Variants in MCU observed in about 807,000 individuals in gnomAD.
The protein encoded by MCU is calcium uniporter protein, mitochondrial.
A neutral mutation model predicts 45.2 loss-of-function variants in MCU; 12 were observed. The observed-to-expected ratio is 0.27, with a 90% CI of 0.17 to 0.43. MCU has a LOEUF of 0.43. MCU is among the 20% of genes least tolerant of loss of function. The probability of loss-of-function intolerance (pLI) is 1.00; values close to 1 mark genes in which losing one functional copy is unlikely to be tolerated. For synonymous variants in MCU, 160 were observed against 165.1 expected, an observed-to-expected ratio of 0.97 and a Z score of 0.24; for missense variants, 324 against 436.7, an observed-to-expected ratio of 0.74 and a Z score of 2.30.
intron 1 of MCU, among the ~76,000 whole-genome samples, chr10:72,772,432 C>T (rs932675564): frequency 2.6e-5 from 4 of 152,240 alleles, no homozygotes; most frequent in African/African-American, 9.6e-5. Flanking sequence ...TGCAGTGGCT[C>T]ACGCCTGCAA....
At chr10:72,765,086 T>TTA (rs1012811009) in intron 1 of MCU, among the ~76,000 whole-genome samples, 4 of 123,512 alleles carry the variant, frequency 3.2e-5, no homozygotes, top group African/African-American at 1.2e-4. Context: ...CCCCATCTCT[T>TTA]AAAAAAAAAA....
intron 1 of MCU, among the ~76,000 whole-genome samples, chr10:72,740,602 C>A (rs1404268209): frequency 6.6e-6 from 1 of 152,226 alleles, no homozygotes; most frequent in Non-Finnish European, 1.5e-5. Flanking sequence ...ATATTTCTTT[C>A]TGACTTCTCA....
At chr10:72,697,948 A>T (rs1394255804) in intron 1 of MCU, among the ~76,000 whole-genome samples, 2 of 145,628 alleles carry the variant, frequency 1.4e-5, no homozygotes, top group African/African-American at 5.1e-5. Flanking sequence ...CATAAAAAGA[A>T]TTTTTTTTTT....
chr10:72,789,561 G>A (rs938278719), intron 1 of MCU, among the ~76,000 whole-genome samples: 4 of 151,962 alleles, frequency 2.6e-5, no homozygotes, highest in African/African-American at 9.7e-5. Context: ...TCTTTTATGA[G>A]AAACTGCTCC....
chr10:72,699,445 T>C (rs1192766173), intron 1 of MCU, among the ~76,000 whole-genome samples: 3 of 151,838 alleles, frequency 2.0e-5, no homozygotes, highest in Non-Finnish European at 4.4e-5. Flanking sequence ...AGACGGAGGT[T>C]GCAGTGAGCC....
chr10:72,719,825 A>G (rs1015215216), intron 1 of MCU, among the ~76,000 whole-genome samples: 1 of 152,234 alleles, frequency 6.6e-6, no homozygotes, highest in South Asian at 2.1e-4. Flanking sequence ...GTTGTGCTAT[A>G]CAATTCTAGG....
At chr10:72,872,479 C>T (rs1026338341) in intron 6 of MCU, among the ~76,000 whole-genome samples, 2 of 152,078 alleles carry the variant, frequency 1.3e-5, no homozygotes, top group Non-Finnish European at 2.9e-5. Context: ...ATGGGATCAG[C>T]TTTTTTAGCT....
intron 2 of MCU, among the ~76,000 whole-genome samples, chr10:72,840,983 C>T (rs371251167): frequency 4.6e-5 from 7 of 152,150 alleles, no homozygotes; most frequent in African/African-American, 1.7e-4. Context: ...TGAACTACTT[C>T]GCTTGGAGCA....
At chr10:72,692,635 C>A in intron 1 of MCU, 2 of 1,136,214 alleles carry the variant, frequency 1.8e-6, no homozygotes, top group Admixed American at 8.9e-5. Context: ...TCTTAACAGC[C>A]CTGCCCCAAG....
intron 4 of MCU, among the ~76,000 whole-genome samples, chr10:72,866,098 T>G (rs1004309189): frequency 6.6e-6 from 1 of 150,500 alleles, no homozygotes; most frequent in East Asian, 1.9e-4. Context: ...TTAAACATAG[T>G]AAAGAAAATC....
At chr10:72,698,744 A>G (rs548612747) in intron 1 of MCU, among the ~76,000 whole-genome samples, 10 of 152,274 alleles carry the variant, frequency 6.6e-5, no homozygotes, top group African/African-American at 2.4e-4. Context: ...ACCTCAGGTG[A>G]TCGGCCTGCC....
Position 72,763,108 on chromosome 10 carries a change from T to G in MCU, c.150+70807T>G, listed in dbSNP as rs1287304776. Reference sequence around the variant, plus strand: ...TCTGGAGCTGGAACAGGTTTTCTGATTTTAATTGATTAAATAACTGTGATT... The same window carrying G: ...TCTGGAGCTGGAACAGGTTTTCTGAGTTTAATTGATTAAATAACTGTGATT... On this transcript the variant is annotated intron_variant, in intron 1 of 7. Coordinates refer to ENST00000373053, the MANE Select transcript of MCU (RefSeq NM_138357.3). 2.6e-5 allele frequency among the ~76,000 whole-genome samples: 4 copies of G among 152,334 alleles called. No homozygotes were observed. In the East Asian group the frequency reaches 7.7e-4, roughly 29 times the overall value.
chr10:72,760,854 T>C (rs927678501), intron 1 of MCU, among the ~76,000 whole-genome samples: 4 of 151,626 alleles, frequency 2.6e-5, no homozygotes, highest in African/African-American at 9.7e-5. Flanking sequence ...GCCAGGCCCA[T>C]AGATATTTTC....
intron 1 of MCU, among the ~76,000 whole-genome samples, chr10:72,763,292 A>G (rs777303146): frequency 2.6e-5 from 4 of 152,118 alleles, no homozygotes; most frequent in Admixed American, 6.6e-5. Flanking sequence ...TATTTCACCT[A>G]CCATACTAAG....
At chr10:72,784,047 A>T (rs1844035522) in intron 1 of MCU, among the ~76,000 whole-genome samples, 1 of 152,178 alleles carries the variant, frequency 6.6e-6, no homozygotes. Flanking sequence ...TGCTTGATCC[A>T]AGTGAAGCCG....
chr10:72,766,758 T>C (rs1163912525), intron 1 of MCU: 2 of 152,206 alleles, frequency 1.3e-5, no homozygotes, highest in East Asian at 3.9e-4. Flanking sequence ...AGCCAGGTTG[T>C]TTAACGCTCT....
chr10:72,855,369 G>A (rs1326854682), intron 2 of MCU, among the ~76,000 whole-genome samples: 1 of 152,078 alleles, frequency 6.6e-6, no homozygotes, highest in Non-Finnish European at 1.5e-5. Flanking sequence ...CTTGAGTCCA[G>A]GAGTTCAAGG....
At chr10:72,698,156 G>A (rs981264660) in intron 1 of MCU, among the ~76,000 whole-genome samples, 2 of 152,068 alleles carry the variant, frequency 1.3e-5, no homozygotes, top group Non-Finnish European at 2.9e-5. Flanking sequence ...CTGATTATTT[G>A]AACTTTTCTA....
chr10:72,885,887 C>A lies in MCU; in HGVS notation c.*65C>A. On this transcript the variant is annotated 3_prime_UTR_variant, in exon 8 of 8. Transcript: ENST00000373053. The stretch of plus-strand genomic sequence containing the variant: ...GTTTGCCTTTTTAATTAAAGCATTG[C>A]AGGTGGAAGCTGGGAGCCATGTGGG... 3 of 1,341,984 alleles carry A rather than the reference C, an allele frequency of 2.2e-6. No homozygotes were observed. Among genetic ancestry groups the A allele is most frequent in the African/African-American group, 1.4e-5 (1 of 69,314 alleles). The allele number at this position is 1,341,984 out of a possible 1,614,324, so 83.1% of individuals were successfully genotyped here. A position where few individuals can be genotyped will look rare whatever the true frequency, so the allele number is the denominator to read the frequency against.
Sources: gnomAD v4.1 joint callset for allele counts (sites outside exome capture counted in the v4.1 genomes callset) on GRCh38, gnomAD v4.1.1 for gene constraint, MANE v1.5 for transcripts, NCBI Gene and HGNC (gene_info 2026-07-23, HGNC 2026-07-21) for gene names.